Variants in PRKG1 observed in about 807,000 individuals in gnomAD.
The protein encoded by PRKG1 is cGMP-dependent protein kinase 1.
Under a neutral mutation model 88.1 loss-of-function variants are expected in PRKG1, and 35 were observed. That is an observed-to-expected ratio of 0.40 (90% confidence interval 0.30 to 0.53). The LOEUF (loss-of-function observed/expected upper bound fraction) is 0.53. Among genes scored for constraint, PRKG1 ranks in the 20% least tolerant of loss-of-function variants. The pLI, the probability that PRKG1 is intolerant of heterozygous loss-of-function variation, is 0.59. For missense variants in PRKG1, 540 were observed against 839.8 expected (o/e 0.64, Z 4.41); for synonymous variants, 303 against 292.5 (o/e 1.04, Z -0.37).
chr10:51,747,820 A>AG (rs1217680761), intron 3 of PRKG1, among the ~76,000 whole-genome samples: 1 of 152,128 alleles, frequency 6.6e-6, no homozygotes, highest in Non-Finnish European at 1.5e-5. Context: ...CCCAGCCTGG[A>AG]GTGCAGTGGC....
chr10:51,727,285 A>AAT (rs1554835904), intron 3 of PRKG1, among the ~76,000 whole-genome samples: 13 of 140,322 alleles, frequency 9.3e-5, no homozygotes, highest in South Asian at 6.9e-4. Flanking sequence ...AAAAAAAAAA[A>AAT]ATATATATAT....
At chr10:52,194,799 C>T (rs1839463270) in intron 9 of PRKG1, among the ~76,000 whole-genome samples, 1 of 152,120 alleles carries the variant, frequency 6.6e-6, no homozygotes, top group Non-Finnish European at 1.5e-5. Context: ...CAGGTAATGA[C>T]ATTTTCATTT....
intron 9 of PRKG1, among the ~76,000 whole-genome samples, chr10:52,201,561 G>A (rs886310304): frequency 7.2e-5 from 11 of 152,094 alleles, no homozygotes; most frequent in African/African-American, 2.4e-4. Context: ...ATGAATTTTA[G>A]AATAGTTTTT....
At chr10:51,759,822 AG>A (rs1405728759) in intron 3 of PRKG1, among the ~76,000 whole-genome samples, 3 of 152,212 alleles carry the variant, frequency 2.0e-5, no homozygotes, top group African/African-American at 7.2e-5. Context: ...TGTGGGATCA[AG>A]CAGTTTTATA....
intron 2 of PRKG1, among the ~76,000 whole-genome samples, chr10:51,364,208 A>T (rs1842543731): frequency 6.6e-6 from 1 of 151,952 alleles, no homozygotes; most frequent in African/African-American, 2.4e-5. Context: ...TTGAAACTGG[A>T]TCTTCACTCT....
At chr10:51,598,804 T>C (rs899408813) in intron 3 of PRKG1, among the ~76,000 whole-genome samples, 2 of 152,206 alleles carry the variant, frequency 1.3e-5, no homozygotes, top group Non-Finnish European at 2.9e-5. Flanking sequence ...TGAGATGGTA[T>C]AGTTTTTTTT....
chr10:51,535,178 T>G (rs1441348955), intron 3 of PRKG1, among the ~76,000 whole-genome samples: 1 of 152,176 alleles, frequency 6.6e-6, no homozygotes, highest in African/African-American at 2.4e-5. Context: ...ACTGATACAA[T>G]TGGTCTTTTA....
At chr10:52,038,939 G>T (rs1178471777) in intron 5 of PRKG1, among the ~76,000 whole-genome samples, 1 of 152,222 alleles carries the variant, frequency 6.6e-6, no homozygotes, top group African/African-American at 2.4e-5. Flanking sequence ...AGAGGTTGGA[G>T]AAGAGAGTAA....
At chr10:51,372,083 T>C (rs912842553) in intron 2 of PRKG1, among the ~76,000 whole-genome samples, 125 of 152,164 alleles carry the variant, frequency 8.2e-4, no homozygotes, top group Admixed American at 7.9e-3. Flanking sequence ...AAAAAACATA[T>C]GGATAACTCA....
chr10:51,553,856 T>C (rs914041976), intron 3 of PRKG1, among the ~76,000 whole-genome samples: 113 of 109,226 alleles, frequency 1.0e-3, no homozygotes, highest in Middle Eastern at 4.5e-3. Flanking sequence ...TAGATACGTG[T>C]ATATAATATA....
chr10:52,122,996 T>C (rs898251411), intron 7 of PRKG1, among the ~76,000 whole-genome samples: 1 of 152,232 alleles, frequency 6.6e-6, no homozygotes, highest in Non-Finnish European at 1.5e-5. Flanking sequence ...CCTTTCTCTT[T>C]CATTAATTCT....
At chr10:51,823,800 A>G (rs1456596282) in intron 4 of PRKG1, among the ~76,000 whole-genome samples, 1 of 150,808 alleles carries the variant, frequency 6.6e-6, no homozygotes, top group Non-Finnish European at 1.5e-5. Context: ...TCCATCCCTA[A>G]TTGGTATAAG....
intron 2 of PRKG1, among the ~76,000 whole-genome samples, chr10:51,397,074 T>C (rs1837597154): frequency 6.6e-6 from 1 of 152,022 alleles, no homozygotes. Context: ...TCGGAGTTGC[T>C]GTTTTGATTT....
chr10:52,136,713 A>G (rs947275777), intron 8 of PRKG1, among the ~76,000 whole-genome samples: 6 of 152,110 alleles, frequency 3.9e-5, no homozygotes, highest in Non-Finnish European at 7.4e-5. Flanking sequence ...GTAAATGTCC[A>G]TGCACAGCAC....
intron 5 of PRKG1, among the ~76,000 whole-genome samples, chr10:52,030,957 C>A (rs1171613084): frequency 1.3e-5 from 2 of 151,998 alleles, no homozygotes; most frequent in Non-Finnish European, 2.9e-5. Context: ...AATACAACAG[C>A]ATCAATTTCT....
intron 5 of PRKG1, among the ~76,000 whole-genome samples, chr10:51,997,002 T>A (rs1844462810): frequency 6.6e-6 from 1 of 152,088 alleles, no homozygotes; most frequent in Non-Finnish European, 1.5e-5. Context: ...GGTTATTAAG[T>A]GAAATAAGCC....
At chr10:51,928,541 T>C (rs1449447367) in intron 5 of PRKG1, among the ~76,000 whole-genome samples, 1 of 152,156 alleles carries the variant, frequency 6.6e-6, no homozygotes, top group Admixed American at 6.5e-5. Flanking sequence ...TGGTAGACTT[T>C]TAGTGTGCTG....
intron 1 of PRKG1, among the ~76,000 whole-genome samples, chr10:51,152,337 T>G (rs1377894428): frequency 6.6e-6 from 1 of 152,104 alleles, no homozygotes; most frequent in East Asian, 1.9e-4. Flanking sequence ...GAGTTGTATC[T>G]GCCTGGTTAC....
Position 51,115,372 on chromosome 10 carries a change from C to CATATATAT in PRKG1, c.312-37786_312-37779dup, listed in dbSNP as rs57104400. 5.3e-3 allele frequency among the ~76,000 whole-genome samples: 168 copies of CATATATAT among 31,920 alleles called. 9 individuals are homozygous for CATATATAT. Among genetic ancestry groups the CATATATAT allele is most frequent in the African/African-American group, 0.01 (149 of 14,508 alleles). 20.9% of individuals were successfully genotyped at this position (31,920 alleles called of 152,430 possible). A position where few individuals can be genotyped will look rare whatever the true frequency, so the allele number is the denominator to read the frequency against. On this transcript the variant is annotated intron_variant, in intron 1 of 17. Transcript: ENST00000373980. The stretch of plus-strand genomic sequence containing the variant: ...GATGTTACAATAATGTTCCTTTAAA[C>CATATATAT]ATATATATATATAAAACAAATGTGA...
Sources: allele counts gnomAD v4.1 joint callset (sites outside exome capture counted in the v4.1 genomes callset), GRCh38; gene constraint gnomAD v4.1.1; transcripts MANE v1.5; gene names NCBI Gene and HGNC (gene_info 2026-07-23, HGNC 2026-07-21).